PLCB3: variants seen among roughly 807,000 people sequenced by gnomAD.
The protein encoded by PLCB3 is 1-phosphatidylinositol 4,5-bisphosphate phosphodiesterase beta-3.
In PLCB3, 54 loss-of-function variants were observed where a neutral mutation model predicts 152.1. That is an observed-to-expected ratio of 0.36 (90% confidence interval 0.29 to 0.45). The LOEUF (loss-of-function observed/expected upper bound fraction) is 0.45. Ranked by LOEUF, PLCB3 falls within the 20% of genes least tolerant of loss-of-function variation. The pLI, the probability that PLCB3 is intolerant of heterozygous loss-of-function variation, is 1.00. For synonymous variants in PLCB3, 717 were observed against 698.7 expected (o/e 1.03, Z -0.41); for missense variants, 1,248 against 1,687.5 (o/e 0.74, Z 4.56).
At position 64,260,057 on chromosome 11, in the gene PLCB3, C is replaced by G. The variant is rs749690603; in HGVS notation, c.1554C>G (p.Gly518=). 62 of 1,611,898 alleles carry G rather than the reference C, an allele frequency of 3.8e-5. No individual in the cohort carries two copies. The highest frequency in any genetic ancestry group is 5.0e-5 in the Non-Finnish European group (59 of 1,179,378). Residue 518 remains glycine, a synonymous_variant, in exon 14 of 31, where the codon GGC becomes GGG. Coordinates refer to ENST00000279230, the MANE Select transcript of PLCB3 (RefSeq NM_000932.5). ...CTCCCAGCTCTGACAGCTGCCCAGG[C>G]CTGAGCAATGGGGAGGAGGTAGGGC... ...LGSPSSDSCP[G]LSNGEEVGLE... is the part of the protein sequence containing the mutation.
chr11:64,262,295 C>A, intron 17 of PLCB3, 112 bp from the exon 18 acceptor site: 1 of 1,397,716 alleles, frequency 7.2e-7, no homozygotes, highest in Non-Finnish European at 9.9e-7. Context: ...CCATTTGAGC[C>A]CGCCCCTGAC....
chr11:64,260,448 C>T (rs562242868), intron 14 of PLCB3, among the ~76,000 whole-genome samples: 2 of 151,932 alleles, frequency 1.3e-5, no homozygotes, highest in Admixed American at 1.3e-4. Flanking sequence ...AGTTAGGGTA[C>T]AGAACTGGCA....
chr11:64,256,997 C>CTTTTTTTTTTTTTTTTTTTTTTTTTTTTT (rs5792316), intron 10 of PLCB3, among the ~76,000 whole-genome samples: 2 of 61,558 alleles, frequency 3.2e-5, no homozygotes, highest in Admixed American at 2.2e-4. Context: ...CTTCAGGGTC[C>CTTTTTTTTTTTTTTTTTTTTTTTTTTTTT]TTTTTTTTTT....
intron 25 of PLCB3, 122 bp from the exon 26 acceptor site, chr11:64,265,764 A>G: frequency 1.5e-6 from 2 of 1,359,678 alleles, no homozygotes; most frequent in Non-Finnish European, 2.0e-6. Context: ...GGTTTGCATA[A>G]CAGACCTGGC....
intron 20 of PLCB3, 45 bp downstream of exon 20, chr11:64,263,642 G>A (rs1227915723): frequency 1.2e-6 from 2 of 1,603,776 alleles, no homozygotes; most frequent in African/African-American, 1.3e-5. Flanking sequence ...GCAGTGGGTA[G>A]GGCCCCCACC....
chr11:64,261,687 G>A, intron 16 of PLCB3, 22 bp downstream of exon 16: 4 of 1,606,076 alleles, frequency 2.5e-6, no homozygotes, highest in Middle Eastern at 1.7e-4. Context: ...AGGTGCTGTG[G>A]GCGGGCAGGC....
rs1456031368 is a variant in PLCB3, at chr11:64,267,340, C to A, written c.3502-13C>A. 7 of 1,548,842 alleles carry A rather than the reference C, an allele frequency of 4.5e-6. No individual in the cohort carries two copies. Reference sequence around the variant, plus strand: ...GCCAGGCCTCGCCTGTGATGCCCATCCTTCTCCCACAGCTGCTGGCCCAGC... The same window carrying A: ...GCCAGGCCTCGCCTGTGATGCCCATACTTCTCCCACAGCTGCTGGCCCAGC... On this transcript the variant is annotated splice_polypyrimidine_tract_variant and intron_variant, in intron 30 of 30. Transcript: ENST00000279230. This position sits in a 1 kb window ranked among gnomAD's most constrained non-coding sequence, Gnocchi z 5.2.
rs1350066784 is a variant in PLCB3, at chr11:64,265,202, T to A, written c.2817T>A (p.Asp939Glu). 2 of 1,599,136 alleles carry A rather than the reference T, an allele frequency of 1.3e-6. No homozygotes were observed. Among genetic ancestry groups the A allele is most frequent in the African/African-American group, 1.3e-5 (1 of 74,724 alleles). ...STSLSSPGQRDDLIASILSEV... is the reference protein window; with the variant it reads ...STSLSSPGQREDLIASILSEV... ...GCCTCTGCTCCCCAGGGCAGCGTGA[T>A]GATCTCATCGCCAGCATCCTCTCAG... The change falls in exon 24 of 31, where the codon GAT becomes GAA. Residue 939 changes from aspartate to glutamate, a missense_variant. Coordinates refer to ENST00000279230, the MANE Select transcript of PLCB3 (RefSeq NM_000932.5).
At position 64,258,832 on chromosome 11, in the gene PLCB3, C is replaced by T; in HGVS notation, c.1254-53C>T. ...ACGGCCACTGACATGTCCCGTAGAC[C>T]TCAGCTTCCTCTCTGGGGGAGGGAT... On this transcript the variant is annotated intron_variant, in intron 11 of 30. Transcript: ENST00000279230. This position sits in a 1 kb window ranked among gnomAD's most constrained non-coding sequence, Gnocchi z 7.2. 2 of 1,608,926 alleles carry T rather than the reference C, an allele frequency of 1.2e-6. No individual in the cohort carries two copies. Among genetic ancestry groups the T allele is most frequent in the South Asian group, 1.1e-5 (1 of 90,984 alleles).
chr11:64,261,424 G>A lies in PLCB3; in HGVS notation c.1756G>A (p.Ala586Thr). Residue 586 changes from alanine (A) to threonine (T), a missense_variant, in exon 15 of 31, where the codon GCC (alanine) becomes ACC (threonine). Around this residue, in one of 6 missense-constraint regions of PLCB3, gnomAD observed 244 missense variants for 424.4 expected, o/e 0.57. Transcript: ENST00000279230. Reference protein sequence around the residue: ...DEGTASSEVNATEEMSTLVNY... With the variant: ...DEGTASSEVNTTEEMSTLVNY... Reference sequence around the variant, plus strand: ...GGGCACAGCCAGCAGCGAGGTGAATGCCACTGAGGAGATGTCCACGCTTGT... The same window carrying A: ...GGGCACAGCCAGCAGCGAGGTGAATACCACTGAGGAGATGTCCACGCTTGT... 1 of 1,614,104 alleles carries A rather than the reference G, an allele frequency of 6.2e-7. No individual in the cohort carries two copies. Among genetic ancestry groups the A allele is most frequent in the Non-Finnish European group, 8.5e-7 (1 of 1,179,972 alleles).
chr11:64,265,840 T>A (rs974265979), intron 25 of PLCB3, 46 bp from the exon 26 acceptor site: 10 of 1,595,958 alleles, frequency 6.3e-6, no homozygotes, highest in Non-Finnish European at 7.7e-6. Flanking sequence ...CCCATCCCAG[T>A]CCATGTGACG....
In PLCB3 at chr11:64,251,620, G is replaced by C; in HGVS notation, c.-30G>C. On this transcript the variant is annotated 5_prime_UTR_variant, in exon 1 of 31. Coordinates refer to ENST00000279230, the MANE Select transcript of PLCB3 (RefSeq NM_000932.5). ...CGCCGTCGGTCCCCGTCAGGGCTCCGTGGGTCCCCGACCCGCCCCTGGCCG... is the reference window on the plus strand; with the variant it reads ...CGCCGTCGGTCCCCGTCAGGGCTCCCTGGGTCCCCGACCCGCCCCTGGCCG... The C allele has an allele frequency of 7.7e-7, 1 of 1,299,334 alleles. No individual in the cohort carries two copies. Among genetic ancestry groups the C allele is most frequent in the Non-Finnish European group, 1.0e-6 (1 of 986,484 alleles). The allele number at this position is 1,299,334 out of a possible 1,614,324, so 80.5% of individuals were successfully genotyped here.
At chr11:64,260,508 G>A (rs2031792926) in intron 14 of PLCB3, among the ~76,000 whole-genome samples, 1 of 152,068 alleles carries the variant, frequency 6.6e-6, no homozygotes, top group Non-Finnish European at 1.5e-5. Flanking sequence ...GGAGACCTCA[G>A]GAAGGGGGAC....
chr11:64,261,177 C>T (rs958221643), intron 14 of PLCB3, among the ~76,000 whole-genome samples: 1 of 151,960 alleles, frequency 6.6e-6, no homozygotes, highest in Non-Finnish European at 1.5e-5. Flanking sequence ...AGGTGGCGGG[C>T]GCCTGTAATC....
intron 13 of PLCB3, 90 bp from the exon 14 acceptor site, chr11:64,259,939 C>T (rs763060772): frequency 1.7e-5 from 18 of 1,064,686 alleles, no homozygotes; most frequent in Non-Finnish European, 2.5e-5. Context: ...CCCACTGAGT[C>T]ACCTCGGCAC....
chr11:64,256,859 C>T (rs2135045881), intron 10 of PLCB3, 95 bp downstream of exon 10: 1 of 1,380,686 alleles, frequency 7.2e-7, no homozygotes, highest in African/African-American at 1.4e-5. Context: ...GGCCCATTTG[C>T]TCATTCATTG....
intron 10 of PLCB3, among the ~76,000 whole-genome samples, chr11:64,257,331 G>A (rs547595557): frequency 3.3e-5 from 5 of 152,188 alleles, no homozygotes; most frequent in Non-Finnish European, 7.4e-5. Flanking sequence ...AGGCTGGAAG[G>A]GGGTTGGGTG....
At chr11:64,265,795 A>T in intron 25 of PLCB3, 91 bp from the exon 26 acceptor site, 1 of 1,477,668 alleles carries the variant, frequency 6.8e-7, no homozygotes, top group Non-Finnish European at 9.1e-7. Flanking sequence ...GGTGTCTGCC[A>T]TCGCTTGCCA....
chr11:64,256,870 G>C, intron 10 of PLCB3, 106 bp downstream of exon 10: 1 of 1,277,192 alleles, frequency 7.8e-7, no homozygotes, highest in South Asian at 1.4e-5. Context: ...TCATTCATTG[G>C]CCAGTGCTGG....
Sources: allele counts gnomAD v4.1 joint callset (sites outside exome capture counted in the v4.1 genomes callset), GRCh38; gene constraint gnomAD v4.1.1; regional missense constraint gnomAD v4.1.1; non-coding constraint Gnocchi (gnomAD v3.1); transcripts MANE v1.5; gene names NCBI Gene and HGNC (gene_info 2026-07-23, HGNC 2026-07-21).